The following COL13A1 variants were observed in gnomAD, a reference collection of about 807,000 sequenced individuals.
COL13A1 encodes collagen alpha-1(XIII) chain.
COL13A1 carries 89 observed loss-of-function variants against 130.9 expected under a neutral mutation model. The ratio of observed to expected loss-of-function variants is 0.68; its 90% CI spans 0.57 to 0.81. The LOEUF (loss-of-function observed/expected upper bound fraction) is 0.81. Among genes scored for constraint, COL13A1 ranks in the 30% least tolerant of loss-of-function variants. The pLI, the probability that COL13A1 is intolerant of heterozygous loss-of-function variation, is 0.00. For missense variants in COL13A1, 879 were observed against 934.6 expected (o/e 0.94, Z 0.78); for synonymous variants, 402 against 341.6 (o/e 1.18, Z -1.95).
At chr10:69,824,790 G>C (rs907086753) in intron 2 of COL13A1, among the ~76,000 whole-genome samples, 1 of 152,194 alleles carries the variant, frequency 6.6e-6, no homozygotes, top group African/African-American at 2.4e-5. Context: ...AGGCAGTTTG[G>C]CCCAAAGCAT....
At chr10:69,860,797 G>A in intron 2 of COL13A1, 1 of 213,408 alleles carries the variant, frequency 4.7e-6, no homozygotes, top group Non-Finnish European at 9.8e-6. Context: ...CAAGGGAGCT[G>A]CAGGGATGGT....
Position 69,898,691 on chromosome 10 carries a change from C to T in COL13A1, c.685-6C>T, listed in dbSNP as rs1221410253. The T allele has an allele frequency of 6.2e-6, 10 of 1,612,730 alleles. No individual in the cohort carries two copies. The highest frequency in any genetic ancestry group is 8.5e-6 in the Non-Finnish European group (10 of 1,179,342). ...CTCTGGCCCTCCAACTCATCTTTCT[C>T]CTCAGCTGCTGCCTCTCCTCAATTC... On this transcript the variant is annotated splice_region_variant and splice_polypyrimidine_tract_variant and intron_variant, in intron 13 of 40. Coordinates refer to ENST00000645393, the MANE Select transcript of COL13A1 (RefSeq NM_001368882.1).
At position 69,802,044 on chromosome 10, in the gene COL13A1, T is replaced by C; in HGVS notation, c.-380T>C. 5.4e-6 allele frequency: 1 copy of C among 184,626 alleles called. No homozygotes were observed. The highest frequency in any genetic ancestry group is 1.1e-5 in the Non-Finnish European group (1 of 90,378). The allele number at this position is 184,626 out of a possible 1,614,324, so 11.4% of individuals were successfully genotyped here. On this transcript the variant is annotated 5_prime_UTR_variant, in exon 1 of 41. Transcript: ENST00000645393. The stretch of plus-strand genomic sequence containing the variant: ...CGCCCCTTCGCCCGGGGACTGAAAC[T>C]GACTGGCCCGGGAGACACGAGGCGC...
chr10:69,930,440 C>T lies in COL13A1; in HGVS notation c.1571C>T (p.Pro524Leu). The change falls in exon 30 of 41, where the codon CCC becomes CTC. Residue 524 changes from proline (P) to leucine (L), a missense_variant. By Grantham distance (98) the Pro-to-Leu change is moderately conservative. This residue lies in a region of COL13A1 where 715 missense variants were observed against 721.0 expected (regional missense o/e 0.99). Transcript: ENST00000645393. ...GKPGDMGPPG[P>L]QGPPGKDGPP... ...CCAGGAGACATGGGCCCTCCTGGTC[C>T]CCAAGGCCCCCCAGGAAAGGATGGA... The T allele has an allele frequency of 6.2e-7, 1 of 1,613,620 alleles. No individual in the cohort carries two copies. Among genetic ancestry groups the T allele is most frequent in the Non-Finnish European group, 8.5e-7 (1 of 1,179,732 alleles).
chr10:69,918,945 C>A, intron 19 of COL13A1, 117 bp from the exon 20 acceptor site: 1 of 1,194,262 alleles, frequency 8.4e-7, no homozygotes, highest in Non-Finnish European at 1.2e-6. Context: ...CGGGGCTGGC[C>A]AGATGTTTCA....
intron 8 of COL13A1, 123 bp from the exon 9 acceptor site, chr10:69,888,181 A>G (rs1445586520): frequency 2.7e-6 from 3 of 1,116,276 alleles, no homozygotes; most frequent in South Asian, 1.4e-5. Context: ...TACGTGGTCA[A>G]GCAGGGCCTT....
chr10:69,915,295 A>T (rs1037759410), intron 17 of COL13A1, among the ~76,000 whole-genome samples: 4 of 152,196 alleles, frequency 2.6e-5, no homozygotes, highest in African/African-American at 9.6e-5. Flanking sequence ...TCAGTCCCAC[A>T]AGAAGGAAGT....
At chr10:69,940,223 C>A (rs1270789088) in intron 34 of COL13A1, among the ~76,000 whole-genome samples, 1 of 151,148 alleles carries the variant, frequency 6.6e-6, no homozygotes, top group Non-Finnish European at 1.5e-5. Context: ...TAGCTTCCCA[C>A]CTGCTGCCCA....
At chr10:69,870,626 T>C (rs563928144) in intron 3 of COL13A1, among the ~76,000 whole-genome samples, 5 of 152,314 alleles carry the variant, frequency 3.3e-5, no homozygotes, top group African/African-American at 9.6e-5. Context: ...ATTATGATTT[T>C]GTGCATTTTT....
chr10:69,957,095 A>G, intron 40 of COL13A1, 53 bp downstream of exon 40: 1 of 1,473,716 alleles, frequency 6.8e-7, no homozygotes, highest in Non-Finnish European at 9.5e-7. Flanking sequence ...AGTGCCATAA[A>G]GCTTCCACAA....
chr10:69,942,485 T>C (rs1038687193), intron 35 of COL13A1, among the ~76,000 whole-genome samples: 14 of 152,174 alleles, frequency 9.2e-5, no homozygotes, highest in African/African-American at 1.7e-4. Context: ...CTCCCTTTTA[T>C]GTTAGACCGA....
rs374203555 is a variant in COL13A1, at chr10:69,930,579, C to T, written c.1683+27C>T. ...TGAGTGGCAGGGCTGGCTGCCCTTC[C>T]GTGCATACACCACTCCCAAGCATGA... On this transcript the variant is annotated intron_variant, in intron 30 of 40. Transcript: ENST00000645393. 4.3e-5 allele frequency: 69 copies of T among 1,605,622 alleles called. No individual in the cohort carries two copies. In the African/African-American group the frequency reaches 6.3e-4, roughly 15 times the overall value.
chr10:69,902,623 C>T (rs2062313012), intron 14 of COL13A1, 125 bp from the exon 15 acceptor site: 8 of 686,138 alleles, frequency 1.2e-5, no homozygotes, highest in Non-Finnish European at 1.4e-5. Context: ...CCGCTTCCTC[C>T]CCCCATCACC....
At chr10:69,899,453 C>G (rs1212054658) in intron 14 of COL13A1, among the ~76,000 whole-genome samples, 1 of 152,184 alleles carries the variant, frequency 6.6e-6, no homozygotes, top group East Asian at 1.9e-4. Context: ...TTGAAACTGG[C>G]CTTGAAGCAG....
chr10:69,920,499 G>A (rs1003255156), intron 21 of COL13A1, among the ~76,000 whole-genome samples: 11 of 152,168 alleles, frequency 7.2e-5, no homozygotes, highest in African/African-American at 2.7e-4. Flanking sequence ...AGGGCCTTGG[G>A]GAGGTCATTA....
chr10:69,902,095 GCCACT>G (rs1188049481), intron 14 of COL13A1, among the ~76,000 whole-genome samples: 2 of 152,310 alleles, frequency 1.3e-5, no homozygotes, highest in East Asian at 3.9e-4. Flanking sequence ...TTAACAGGCA[GCCACT>G]CCTTGGACGT....
intron 38 of COL13A1, among the ~76,000 whole-genome samples, chr10:69,952,198 C>T (rs938792830): frequency 2.0e-5 from 3 of 152,244 alleles, no homozygotes; most frequent in African/African-American, 4.8e-5. Flanking sequence ...AGGGGCCATC[C>T]GTGAGCTCTG....
At chr10:69,957,507 A>G (rs144836382) in intron 40 of COL13A1, among the ~76,000 whole-genome samples, 5 of 152,260 alleles carry the variant, frequency 3.3e-5, no homozygotes, top group Admixed American at 1.3e-4. Context: ...CCTTGCATTT[A>G]AGCTGGCAGA....
At chr10:69,875,246 C>G (rs2059463210) in intron 5 of COL13A1, 83 bp downstream of exon 5, 1 of 1,552,236 alleles carries the variant, frequency 6.4e-7, no homozygotes, top group Non-Finnish European at 8.9e-7. Flanking sequence ...TGGCAATGTG[C>G]TGTCTATCCC....
Sources: allele counts gnomAD v4.1 joint callset (sites outside exome capture counted in the v4.1 genomes callset), GRCh38; gene constraint gnomAD v4.1.1; regional missense constraint gnomAD v4.1.1; transcripts MANE v1.5; gene names NCBI Gene and HGNC (gene_info 2026-07-23, HGNC 2026-07-21).